Variants in IQSEC1 observed in about 807,000 individuals in gnomAD.
IQSEC1 encodes IQ motif and SEC7 domain-containing protein 1.
Under a neutral mutation model 91.0 loss-of-function variants are expected in IQSEC1, and 31 were observed. The observed-to-expected ratio is 0.34, with a 90% CI of 0.26 to 0.46. The LOEUF is 0.46. Among genes scored for constraint, IQSEC1 ranks in the 20% least tolerant of loss-of-function variants. IQSEC1 has a pLI of 1.00. For synonymous variants in IQSEC1, 699 were observed against 662.6 expected (o/e 1.05, Z -0.84); for missense variants, 1,388 against 1,575.6 (o/e 0.88, Z 2.02).
chr3:13,081,966 C>G (rs540563979), intron 2 of IQSEC1, among the ~76,000 whole-genome samples: 2 of 152,284 alleles, frequency 1.3e-5, no homozygotes, highest in South Asian at 4.1e-4. Flanking sequence ...CTGCAGGGGT[C>G]GGTAGAGTGG....
intron 1 of IQSEC1, among the ~76,000 whole-genome samples, chr3:13,213,061 T>A (rs907631890): frequency 6.6e-6 from 1 of 152,232 alleles, no homozygotes; most frequent in African/African-American, 2.4e-5. Context: ...TTTGATGGGG[T>A]CCAATTTATC....
At chr3:13,050,410 A>T (rs1270446646) in intron 1 of IQSEC1, among the ~76,000 whole-genome samples, 3 of 152,152 alleles carry the variant, frequency 2.0e-5, no homozygotes, top group African/African-American at 7.2e-5. Context: ...TGCCCCGGGG[A>T]TAGCAATAAC....
Position 12,950,703 on chromosome 3 carries a change from C to T in IQSEC1, c.24-8838G>A, listed in dbSNP as rs530183566. Among the ~76,000 whole-genome samples the T allele has an allele frequency of 7.1e-4, 107 of 151,324 alleles. 1 individual carries two copies. In the South Asian group the frequency reaches 8.2e-3, roughly 12 times the overall value. ...TGTTGCCCAGGCTGGAGTGCAGTGG[C>T]GTGATCTCGGCTCACCGCAAGCTTC... On this transcript the variant is annotated intron_variant, in intron 1 of 13. Coordinates refer to ENST00000613206, the MANE Select transcript of IQSEC1 (RefSeq NM_001134382.3).
In IQSEC1 at chr3:13,073,305, T is replaced by A. The variant is rs1213352635; in HGVS notation, c.-291A>T. ...GTGGTCGCCAGGCTGGGCGGGGGCG[T>A]CCACCTCGCTGCTACCTGGGCCCAC... On this transcript the variant is annotated 5_prime_UTR_variant, in exon 1 of 14. Transcript: ENST00000613206. Among the ~76,000 whole-genome samples the A allele has an allele frequency of 6.6e-6, 1 of 152,074 alleles. No homozygotes were observed. The highest frequency in any genetic ancestry group is 2.4e-5 in the African/African-American group (1 of 41,400).
At chr3:13,001,994 TG>T (rs1213217237) in intron 1 of IQSEC1, among the ~76,000 whole-genome samples, 2 of 151,434 alleles carry the variant, frequency 1.3e-5, no homozygotes, top group Admixed American at 1.3e-4. Flanking sequence ...GGAGGCAGGG[TG>T]GGGGGTGGCA....
intron 1 of IQSEC1, among the ~76,000 whole-genome samples, chr3:12,961,622 G>A (rs1700246971): frequency 6.6e-6 from 1 of 152,098 alleles, no homozygotes; most frequent in Non-Finnish European, 1.5e-5. Flanking sequence ...CCCTGGTCCT[G>A]TCTGTGTGCC....
intron 1 of IQSEC1, among the ~76,000 whole-genome samples, chr3:13,270,286 CAAAT>C (rs753141107): frequency 5.3e-5 from 8 of 152,200 alleles, no homozygotes; most frequent in Admixed American, 2.0e-4. Flanking sequence ...TACAGGCCAA[CAAAT>C]AAACCTTACG....
At chr3:13,036,257 T>C (rs1450281525) in intron 1 of IQSEC1, among the ~76,000 whole-genome samples, 2 of 152,172 alleles carry the variant, frequency 1.3e-5, no homozygotes, top group South Asian at 2.1e-4. Context: ...GTCACCTGGA[T>C]TGATAAACTG....
At chr3:13,101,635 C>A (rs1706065980) in intron 2 of IQSEC1, among the ~76,000 whole-genome samples, 1 of 151,840 alleles carries the variant, frequency 6.6e-6, no homozygotes, top group African/African-American at 2.4e-5. Context: ...GGGAGTCAGG[C>A]TGGGCTGCAG....
intron 1 of IQSEC1, among the ~76,000 whole-genome samples, chr3:13,209,198 G>A (rs1694400484): frequency 1.3e-5 from 2 of 152,324 alleles, no homozygotes; most frequent in South Asian, 4.1e-4. Context: ...GAGGCATGCA[G>A]CCCACAAAGC....
In IQSEC1 at chr3:13,164,239, TC is replaced by T. The variant is rs765435838; in HGVS notation, c.273-107del. On this transcript the variant is annotated intron_variant, in intron 1 of 15. Coordinates refer to the IQSEC1 transcript ENST00000648114. ...CCTGAGGCCCCAGCTGCTCCCAGCATCCCCTCCCCAGCCTCAGCAGACATCC... is the reference window on the plus strand; with the variant it reads ...CCTGAGGCCCCAGCTGCTCCCAGCATCCCTCCCCAGCCTCAGCAGACATCC... Among the ~76,000 whole-genome samples the T allele has an allele frequency of 1.5e-4, 23 of 152,198 alleles. 2 individuals carry two copies. Among genetic ancestry groups the T allele is most frequent in the Admixed American group, 7.2e-4 (11 of 15,292 alleles).
At chr3:13,174,568 C>T (rs1693687891) in intron 1 of IQSEC1, among the ~76,000 whole-genome samples, 1 of 152,128 alleles carries the variant, frequency 6.6e-6, no homozygotes, top group Non-Finnish European at 1.5e-5. Flanking sequence ...GCTGTCAGCC[C>T]CCAGAAGGCC....
At chr3:13,057,200 G>A (rs1050842288) in intron 1 of IQSEC1, among the ~76,000 whole-genome samples, 76 of 152,210 alleles carry the variant, frequency 5.0e-4, no homozygotes, top group African/African-American at 1.6e-3. Flanking sequence ...CTGGCCATTC[G>A]GTCTCAGGCA....
rs1327461603 is a variant in IQSEC1 at position 12,899,632 on chromosome 3, C to T, written c.*1351G>A. The T allele has an allele frequency of 3.0e-6, 3 of 985,324 alleles. No homozygotes were observed. Among genetic ancestry groups the T allele is most frequent in the Non-Finnish European group, 3.6e-6 (3 of 829,936 alleles). The allele number at this position is 985,324 out of a possible 1,614,324, so 61.0% of individuals were successfully genotyped here. On this transcript the variant is annotated 3_prime_UTR_variant, in exon 14 of 14. Transcript: ENST00000613206. Reference sequence around the variant, plus strand: ...ACTCGTCGGCTGGGGTCACACGGGCCACGGTGAGGACACAGGGGTTCTGCT... The same window carrying T: ...ACTCGTCGGCTGGGGTCACACGGGCTACGGTGAGGACACAGGGGTTCTGCT...
intron 1 of IQSEC1, among the ~76,000 whole-genome samples, chr3:13,032,510 A>C (rs1703881210): frequency 6.6e-6 from 1 of 152,228 alleles, no homozygotes; most frequent in Admixed American, 6.5e-5. Flanking sequence ...CGGAAGGACA[A>C]GTGTGCACCC....
Position 13,072,974 on chromosome 3 carries a change from C to T in IQSEC1, c.23+18G>A, listed in dbSNP as rs1705486669. ...TCTGGCCTCTGGCTTCAGGCAGAAA[C>T]CTGCCACATATACTCACAAATAGCG... is the stretch of plus-strand genomic sequence containing the variant. On this transcript the variant is annotated intron_variant, in intron 1 of 13. Coordinates refer to ENST00000613206, the MANE Select transcript of IQSEC1 (RefSeq NM_001134382.3). The T allele has an allele frequency of 1.3e-6, 2 of 1,550,158 alleles. No individual in the cohort carries two copies. The highest frequency in any genetic ancestry group is 2.4e-5 in the South Asian group (2 of 84,036).
At chr3:13,252,175 G>T (rs1212468906) in intron 1 of IQSEC1, among the ~76,000 whole-genome samples, 2 of 151,950 alleles carry the variant, frequency 1.3e-5, no homozygotes, top group Non-Finnish European at 2.9e-5. Flanking sequence ...TTGAAACTCT[G>T]CCCCCATTAA....
At chr3:13,262,018 C>A (rs1418269442) in intron 1 of IQSEC1, among the ~76,000 whole-genome samples, 4 of 152,238 alleles carry the variant, frequency 2.6e-5, no homozygotes, top group African/African-American at 9.6e-5. Flanking sequence ...CATTTTTGCA[C>A]TCACTGCTGT....
intron 1 of IQSEC1, among the ~76,000 whole-genome samples, chr3:13,052,762 G>GT (rs374226978): frequency 3.9e-4 from 58 of 146,876 alleles, no homozygotes; most frequent in East Asian, 1.4e-3. Context: ...TGCCATGTCT[G>GT]TTTTTTTTTT....
Sources: gnomAD v4.1 joint callset for allele counts (sites outside exome capture counted in the v4.1 genomes callset) on GRCh38, gnomAD v4.1.1 for gene constraint, MANE v1.5 for transcripts, NCBI Gene and HGNC (gene_info 2026-07-23, HGNC 2026-07-21) for gene names.